Variants in SYNDIG1 observed in about 807,000 individuals in gnomAD.
SYNDIG1 encodes the protein synapse differentiation inducing 1.
In SYNDIG1, 9 loss-of-function variants were observed where a neutral mutation model predicts 19.4. The observed-to-expected ratio is 0.46, with a 90% CI of 0.28 to 0.81. SYNDIG1 has a LOEUF of 0.81. Ranked by LOEUF, SYNDIG1 falls within the 30% of genes least tolerant of loss-of-function variation. SYNDIG1 has a pLI of 0.12. For missense variants in SYNDIG1, 311 were observed against 343.3 expected, an observed-to-expected ratio of 0.91 and a Z score of 0.74; for synonymous variants, 141 against 145.9, an observed-to-expected ratio of 0.97 and a Z score of 0.24.
In SYNDIG1 at chr20:24,543,463, C is replaced by A. The variant is rs1391753188; in HGVS notation, c.366C>A (p.Thr122=). The change falls in exon 2 of 4, where the codon ACC becomes ACA. Residue 122 remains threonine (T), a synonymous_variant. Coordinates refer to ENST00000376862, the MANE Select transcript of SYNDIG1 (RefSeq NM_024893.3). ...CCTTCATCGAGGACCGGTCGCCCAC[C>A]AAAGACAGCCTCGAGTACCCGGATG... ...ETTFIEDRSP[T]KDSLEYPDGK... 6.2e-7 allele frequency: 1 copy of A among 1,613,580 alleles called. No individual in the cohort carries two copies. The highest frequency in any genetic ancestry group is 8.5e-7 in the Non-Finnish European group (1 of 1,180,038).
At chr20:24,619,751 G>T (rs577621631) in intron 3 of SYNDIG1, among the ~76,000 whole-genome samples, 1 of 152,186 alleles carries the variant, frequency 6.6e-6, no homozygotes, top group African/African-American at 2.4e-5. Context: ...GCCATTAAAG[G>T]AAAGTCATCT....
chr20:24,612,462 A>G (rs1007445778), intron 3 of SYNDIG1, among the ~76,000 whole-genome samples: 1 of 152,226 alleles, frequency 6.6e-6, no homozygotes, highest in Non-Finnish European at 1.5e-5. Context: ...ATTATTCATG[A>G]CGTGGCATCC....
chr20:24,665,525 G>A lies in SYNDIG1; in HGVS notation c.*21G>A, dbSNP rs2059640512. On this transcript the variant is annotated 3_prime_UTR_variant, in exon 4 of 4. Coordinates refer to ENST00000376862, the MANE Select transcript of SYNDIG1 (RefSeq NM_024893.3). Reference sequence around the variant, plus strand: ...TGTGAGCTTCCTGCGAATGGAGGGGGAGCACCCGGGGCCAGGTCTGTGTGG... The same window carrying A: ...TGTGAGCTTCCTGCGAATGGAGGGGAAGCACCCGGGGCCAGGTCTGTGTGG... 2 of 1,613,830 alleles carry A rather than the reference G, an allele frequency of 1.2e-6. No individual in the cohort carries two copies. The highest frequency in any genetic ancestry group is 1.7e-6 in the Non-Finnish European group (2 of 1,179,930).
intron 3 of SYNDIG1, among the ~76,000 whole-genome samples, chr20:24,607,380 A>C (rs1388416742): frequency 6.7e-6 from 1 of 148,548 alleles, no homozygotes; most frequent in Non-Finnish European, 1.5e-5. Context: ...AAAAAAAAAG[A>C]ATAAAGAAAA....
intron 3 of SYNDIG1, among the ~76,000 whole-genome samples, chr20:24,618,935 A>G (rs1000514108): frequency 6.6e-6 from 1 of 152,206 alleles, no homozygotes; most frequent in Non-Finnish European, 1.5e-5. Context: ...TTGCAACAAC[A>G]GCAAAAAATA....
At chr20:24,648,395 G>C (rs2059440716) in intron 3 of SYNDIG1, among the ~76,000 whole-genome samples, 1 of 152,232 alleles carries the variant, frequency 6.6e-6, no homozygotes, top group African/African-American at 2.4e-5. Context: ...TTCCCAGTGT[G>C]TCCACTCTGA....
rs892543141 is a variant in SYNDIG1 at position 24,666,100 on chromosome 20, C to T, written c.*596C>T. 6 of 153,242 alleles carry T rather than the reference C, an allele frequency of 3.9e-5. No individual in the cohort carries two copies. The highest frequency in any genetic ancestry group is 5.8e-5 in the Non-Finnish European group (4 of 68,658). 9.5% of individuals were successfully genotyped at this position (153,242 alleles called of 1,614,324 possible). A position where few individuals can be genotyped will look rare whatever the true frequency, so the allele number is the denominator to read the frequency against. ...AGCCAGCAAAGCCCGGGACCTGCCCCTCTTTCTTTCCCTTCACACCACCCC... is the reference window on the plus strand; with the variant it reads ...AGCCAGCAAAGCCCGGGACCTGCCCTTCTTTCTTTCCCTTCACACCACCCC... On this transcript the variant is annotated 3_prime_UTR_variant, in exon 4 of 4. Transcript: ENST00000376862.
At chr20:24,492,478 G>C (rs1009383535) in intron 1 of SYNDIG1, among the ~76,000 whole-genome samples, 1 of 152,160 alleles carries the variant, frequency 6.6e-6, no homozygotes, top group Non-Finnish European at 1.5e-5. Context: ...AAAACCTCAC[G>C]GTGGCTCCCC....
intron 1 of SYNDIG1, among the ~76,000 whole-genome samples, chr20:24,493,461 A>G (rs1255644724): frequency 1.3e-5 from 2 of 152,080 alleles, no homozygotes; most frequent in Non-Finnish European, 2.9e-5. Context: ...ACAGGTACAC[A>G]CACATACATG....
chr20:24,531,444 G>A (rs943569741), intron 1 of SYNDIG1, among the ~76,000 whole-genome samples: 26 of 152,074 alleles, frequency 1.7e-4, no homozygotes, highest in East Asian at 1.2e-3. Flanking sequence ...AGACTTATTC[G>A]TAGGTTCAGA....
intron 1 of SYNDIG1, among the ~76,000 whole-genome samples, chr20:24,537,352 T>C (rs960787285): frequency 2.0e-5 from 3 of 152,062 alleles, no homozygotes; most frequent in African/African-American, 7.3e-5. Context: ...TCTTCTTTTC[T>C]CAGTATGGTA....
At chr20:24,515,131 T>C (rs1374005622) in intron 1 of SYNDIG1, among the ~76,000 whole-genome samples, 1 of 152,164 alleles carries the variant, frequency 6.6e-6, no homozygotes, top group Non-Finnish European at 1.5e-5. Context: ...AAACAGTGTG[T>C]AGAGGGAAAT....
chr20:24,518,462 G>C (rs2056934303), intron 1 of SYNDIG1, among the ~76,000 whole-genome samples: 1 of 152,198 alleles, frequency 6.6e-6, no homozygotes, highest in Non-Finnish European at 1.5e-5. Flanking sequence ...TTCTGCTGTG[G>C]AAACACGGTA....
At chr20:24,527,204 G>A (rs896443408) in intron 1 of SYNDIG1, among the ~76,000 whole-genome samples, 4 of 151,900 alleles carry the variant, frequency 2.6e-5, no homozygotes, top group African/African-American at 4.8e-5. Flanking sequence ...TTTTCTATTC[G>A]TGAGGCATTT....
intron 3 of SYNDIG1, among the ~76,000 whole-genome samples, chr20:24,628,774 C>A (rs940126110): frequency 2.0e-5 from 3 of 152,164 alleles, no homozygotes; most frequent in African/African-American, 7.2e-5. Context: ...AAATGCATCG[C>A]GCTAGGGCTC....
At chr20:24,659,750 T>C (rs1198577912) in intron 3 of SYNDIG1, among the ~76,000 whole-genome samples, 4 of 152,202 alleles carry the variant, frequency 2.6e-5, no homozygotes, top group Non-Finnish European at 5.9e-5. Context: ...CGTAATTACG[T>C]TTGCATCTGT....
At chr20:24,601,571 C>G (rs1484931916) in intron 3 of SYNDIG1, among the ~76,000 whole-genome samples, 1 of 151,988 alleles carries the variant, frequency 6.6e-6, no homozygotes, top group Admixed American at 6.5e-5. Flanking sequence ...TCAAAATAAT[C>G]AATTTTAATA....
At chr20:24,543,943 G>A (rs575870670) in intron 2 of SYNDIG1, among the ~76,000 whole-genome samples, 9 of 152,282 alleles carry the variant, frequency 5.9e-5, no homozygotes, top group Admixed American at 2.6e-4. Context: ...AGCCACATGA[G>A]GCTGGAAATA....
intron 3 of SYNDIG1, among the ~76,000 whole-genome samples, chr20:24,617,425 G>T (rs1298609054): frequency 6.6e-6 from 1 of 152,204 alleles, no homozygotes; most frequent in African/African-American, 2.4e-5. Flanking sequence ...ATGGACTTGC[G>T]TGCCTTCCTC....
Sources: allele counts gnomAD v4.1 joint callset (sites outside exome capture counted in the v4.1 genomes callset), GRCh38; gene constraint gnomAD v4.1.1; transcripts MANE v1.5; gene names NCBI Gene and HGNC (gene_info 2026-07-23, HGNC 2026-07-21).